The following AGAP1 variants were observed in gnomAD, a reference collection of about 807,000 sequenced individuals.
AGAP1 encodes the protein ArfGAP with GTPase domain, ankyrin repeat and PH domain 1, also known as arf-GAP with GTPase, ANK repeat and PH domain-containing protein 1.
AGAP1 carries 29 observed loss-of-function variants against 105.3 expected under a neutral mutation model. That is an observed-to-expected ratio of 0.28 (90% CI 0.21 to 0.38). The LOEUF (loss-of-function observed/expected upper bound fraction) is 0.38, where lower values mean the gene tolerates loss of function less well. AGAP1 is among the 10% of genes least tolerant of loss of function. The pLI, the probability that AGAP1 is intolerant of heterozygous loss-of-function variation, is 1.00. For synonymous variants in AGAP1, 509 were observed against 485.9 expected, an observed-to-expected ratio of 1.05 and a Z score of -0.63; for missense variants, 998 against 1,165.1, an observed-to-expected ratio of 0.86 and a Z score of 2.09.
intron 6 of AGAP1, among the ~76,000 whole-genome samples, chr2:235,758,940 G>A (rs1177849353): frequency 1.3e-5 from 2 of 151,904 alleles, no homozygotes; most frequent in Non-Finnish European, 1.5e-5. Context: ...TTACAGGTGC[G>A]TGCCAGCACA....
At chr2:235,702,788 T>C (rs1361143239) in intron 1 of AGAP1, among the ~76,000 whole-genome samples, 1 of 145,266 alleles carries the variant, frequency 6.9e-6, no homozygotes, top group Non-Finnish European at 1.5e-5. Flanking sequence ...GAACATCTCC[T>C]CCTGGCTGTG....
At chr2:235,580,602 T>C (rs1157915745) in intron 1 of AGAP1, among the ~76,000 whole-genome samples, 2 of 152,178 alleles carry the variant, frequency 1.3e-5, no homozygotes, top group Non-Finnish European at 2.9e-5. Flanking sequence ...TGCCTGACTA[T>C]GGGCATTTTC....
chr2:235,861,801 T>C (rs1260417893), intron 9 of AGAP1, among the ~76,000 whole-genome samples: 1 of 152,240 alleles, frequency 6.6e-6, no homozygotes, highest in African/African-American at 2.4e-5. Flanking sequence ...TCTCTGTGCA[T>C]ATCTGTATCT....
rs927453083 is a variant in AGAP1 at position 236,005,122 on chromosome 2, T to G, written c.1646-31439T>G. Among the ~76,000 whole-genome samples, 11 of 141,190 alleles carry G rather than the reference T, an allele frequency of 7.8e-5. No homozygotes were observed. The highest frequency in any genetic ancestry group is 4.6e-4 in the South Asian group (2 of 4,324). The allele number at this position is 141,190 out of a possible 152,430, so 92.6% of individuals were successfully genotyped here. A position where few individuals can be genotyped will look rare whatever the true frequency, so the allele number is the denominator to read the frequency against. On this transcript the variant is annotated intron_variant, in intron 13 of 17. Coordinates refer to ENST00000304032, the MANE Select transcript of AGAP1 (RefSeq NM_001037131.3). The surrounding 1 kb of genome is among the most constrained non-coding windows in gnomAD (Gnocchi z 4.1). Reference sequence around the variant, plus strand: ...CTTCCCCCTGACAAGTTTCCCATGTTTTTTGTGTGTGTGTGTGTTTTGGTT... The same window carrying G: ...CTTCCCCCTGACAAGTTTCCCATGTGTTTTGTGTGTGTGTGTGTTTTGGTT...
chr2:235,926,872 G>A (rs1472151860), intron 11 of AGAP1, among the ~76,000 whole-genome samples: 3 of 152,164 alleles, frequency 2.0e-5, no homozygotes, highest in Non-Finnish European at 4.4e-5. Flanking sequence ...GAGGCTGTCA[G>A]CTCTTTGTTC....
chr2:235,670,336 C>G (rs1302196228), intron 1 of AGAP1: 3 of 488,634 alleles, frequency 6.1e-6, no homozygotes, highest in Non-Finnish European at 1.1e-5. Flanking sequence ...CGGAGGGCGC[C>G]GAGGAACCGG....
chr2:235,505,341 G>C (rs906515210), intron 1 of AGAP1, among the ~76,000 whole-genome samples: 3 of 152,206 alleles, frequency 2.0e-5, no homozygotes, highest in African/African-American at 7.2e-5. Context: ...TGCTAAACAA[G>C]GCCAGAGCCA....
At chr2:236,075,882 A>G (rs189500828) in intron 16 of AGAP1, among the ~76,000 whole-genome samples, 18 of 152,348 alleles carry the variant, frequency 1.2e-4, no homozygotes, top group Admixed American at 9.8e-4. Flanking sequence ...AAGGCAGACA[A>G]ACATTCAGAG....
intron 9 of AGAP1, among the ~76,000 whole-genome samples, chr2:235,839,031 G>A (rs1960493271): frequency 6.6e-6 from 1 of 152,180 alleles, no homozygotes; most frequent in Admixed American, 6.5e-5. Flanking sequence ...ATAAATTGCT[G>A]GTGTGTTGGT....
chr2:235,738,755 A>G (rs1056871578), intron 3 of AGAP1, among the ~76,000 whole-genome samples: 2 of 151,808 alleles, frequency 1.3e-5, no homozygotes, highest in Non-Finnish European at 1.5e-5. Flanking sequence ...ACAGGGTTTC[A>G]CCGTGTTGGT....
chr2:235,809,613 G>A (rs115981094), intron 9 of AGAP1, among the ~76,000 whole-genome samples: 6 of 152,124 alleles, frequency 3.9e-5, no homozygotes, highest in Non-Finnish European at 8.8e-5. Context: ...TTAAATCGGG[G>A]CACCCTTGTC....
intron 9 of AGAP1, among the ~76,000 whole-genome samples, chr2:235,814,133 T>C (rs1958316390): frequency 6.6e-6 from 1 of 152,152 alleles, no homozygotes; most frequent in Admixed American, 6.5e-5. Flanking sequence ...CAGGGTGGTC[T>C]TGGAAAATGC....
At chr2:235,885,159 C>G (rs572234894) in intron 10 of AGAP1, among the ~76,000 whole-genome samples, 1 of 152,170 alleles carries the variant, frequency 6.6e-6, no homozygotes, top group Non-Finnish European at 1.5e-5. Flanking sequence ...GGTGCATACT[C>G]CCGGCTATTT....
intron 1 of AGAP1, among the ~76,000 whole-genome samples, chr2:235,685,015 AC>A (rs1949303026): frequency 6.6e-6 from 1 of 151,696 alleles, no homozygotes; most frequent in South Asian, 2.1e-4. Context: ...CTGTGGCAGG[AC>A]CCCCAGAGGC....
chr2:235,870,889 C>G (rs2049405697), intron 9 of AGAP1, among the ~76,000 whole-genome samples: 1 of 152,228 alleles, frequency 6.6e-6, no homozygotes, highest in Non-Finnish European at 1.5e-5. Flanking sequence ...GACCACTTTT[C>G]TTTCTGAACT....
At chr2:235,996,063 T>C (rs2125480560) in intron 13 of AGAP1, among the ~76,000 whole-genome samples, 1 of 152,314 alleles carries the variant, frequency 6.6e-6, no homozygotes, top group South Asian at 2.1e-4. Flanking sequence ...AGAGATTAAC[T>C]GGAGGCTTGC....
intron 16 of AGAP1, among the ~76,000 whole-genome samples, chr2:236,118,061 ATTTG>A (rs1165856613): frequency 6.6e-6 from 1 of 152,160 alleles, no homozygotes; most frequent in Non-Finnish European, 1.5e-5. Context: ...TCCTGGAAGA[ATTTG>A]TTTGCCTTAG....
Position 235,747,714 on chromosome 2 carries a change from G to C in AGAP1, c.539-2640G>C, listed in dbSNP as rs954885061. Among the ~76,000 whole-genome samples, 3 of 152,252 alleles carry C rather than the reference G, an allele frequency of 2.0e-5. No homozygotes were observed. The highest frequency in any genetic ancestry group is 2.4e-5 in the African/African-American group (1 of 41,466). On this transcript the variant is annotated intron_variant, in intron 5 of 17. Coordinates refer to ENST00000304032, the MANE Select transcript of AGAP1 (RefSeq NM_001037131.3). This position sits in a 1 kb window ranked among gnomAD's most constrained non-coding sequence, Gnocchi z 5.0. ...ACGCTTGCTTCCTGCGTGCAGACTTGCTCTCCGTGAAGCCCGTGCTCGGCT... is the reference window on the plus strand; with the variant it reads ...ACGCTTGCTTCCTGCGTGCAGACTTCCTCTCCGTGAAGCCCGTGCTCGGCT...
intron 9 of AGAP1, among the ~76,000 whole-genome samples, chr2:235,860,060 A>G (rs1489668340): frequency 6.6e-6 from 1 of 152,198 alleles, no homozygotes; most frequent in Non-Finnish European, 1.5e-5. Flanking sequence ...TTTAGGGGCT[A>G]AACCTTCATC....
Sources: gnomAD v4.1 joint callset for allele counts (sites outside exome capture counted in the v4.1 genomes callset) on GRCh38, gnomAD v4.1.1 for gene constraint, Gnocchi (gnomAD v3.1) non-coding constraint, MANE v1.5 for transcripts, NCBI Gene and HGNC (gene_info 2026-07-23, HGNC 2026-07-21) for gene names.